Variants in PENK observed in about 807,000 individuals in gnomAD.
PENK encodes proenkephalin-A.
PENK carries 25 observed loss-of-function variants against 24.1 expected under a neutral mutation model. The observed-to-expected ratio is 1.04, with a 90% CI of 0.76 to 1.45. The LOEUF (loss-of-function observed/expected upper bound fraction) is 1.45, where lower values mean the gene tolerates loss of function less well. Ranked by LOEUF, PENK falls within the 40% of genes most tolerant of loss-of-function variation. The pLI, the probability that PENK is intolerant of heterozygous loss-of-function variation, is 0.00. For synonymous variants in PENK, 135 were observed against 130.3 expected (o/e 1.04, Z -0.24); for missense variants, 353 against 337.9 (o/e 1.04, Z -0.35).
intron 3 of PENK, among the ~76,000 whole-genome samples, chr8:56,443,148 G>A (rs972993311): frequency 2.0e-5 from 3 of 152,028 alleles, no homozygotes; most frequent in African/African-American, 2.4e-5. Context: ...TTTAAGCTTC[G>A]TGTCTGAGAA....
intron 3 of PENK, 128 bp downstream of exon 3, chr8:56,445,688 G>A: frequency 8.2e-7 from 1 of 1,218,562 alleles, no homozygotes; most frequent in Non-Finnish European, 1.2e-6. Flanking sequence ...CCACGGGCTC[G>A]CGCCGCTGCG....
chr8:56,441,296 T>G lies in PENK; in HGVS notation c.780A>C (p.Arg260Ser). The G allele has an allele frequency of 6.2e-7, 1 of 1,606,334 alleles. No individual in the cohort carries two copies. Among genetic ancestry groups the G allele is most frequent in the South Asian group, 1.1e-5 (1 of 90,712 alleles). Residue 260 changes from arginine (R) to serine (S), a missense_variant, in exon 4 of 4, where the codon AGA (arginine) becomes AGC (serine). Arg to Ser is a moderately radical substitution (Grantham distance 110, BLOSUM62 -1). Transcript: ENST00000451791. ...ATTAAAATCTCATAAATCCTCCGTATCTTTTTTCCATTTCAGGAACTTCTT... is the reference window on the plus strand; with the variant it reads ...ATTAAAATCTCATAAATCCTCCGTAGCTTTTTTCCATTTCAGGAACTTCTT... Reference protein sequence around the residue: ...YSKEVPEMEKRYGGFMRF With the variant: ...YSKEVPEMEKSYGGFMRF
chr8:56,445,713 C>G (rs775249263), intron 3 of PENK, 103 bp downstream of exon 3: 2 of 1,488,054 alleles, frequency 1.3e-6, no homozygotes, highest in South Asian at 1.1e-5. Flanking sequence ...CGACCCGGTG[C>G]GAACCGCCAT....
At chr8:56,445,583 C>A in intron 3 of PENK, 1 of 634,356 alleles carries the variant, frequency 1.6e-6, no homozygotes, top group South Asian at 1.8e-5. Context: ...ACACCGCTAC[C>A]CTTACCGGTC....
chr8:56,446,189 T>C (rs1056092405), intron 2 of PENK: 40 of 532,532 alleles, frequency 7.5e-5, no homozygotes, highest in Non-Finnish European at 1.2e-4. Context: ...CGAGGCTGCC[T>C]GGGGCACCCG....
At chr8:56,442,952 G>T (rs1041440958) in intron 3 of PENK, among the ~76,000 whole-genome samples, 3 of 152,104 alleles carry the variant, frequency 2.0e-5, no homozygotes, top group African/African-American at 7.2e-5. Flanking sequence ...TACAAAACAT[G>T]CATGATATTT....
At chr8:56,445,521 T>C in intron 3 of PENK, 1 of 600,756 alleles carries the variant, frequency 1.7e-6, no homozygotes, top group African/African-American at 1.9e-5. Flanking sequence ...AACAGAGGAC[T>C]TCTCGGGGTT....
At position 56,441,571 on chromosome 8, in the gene PENK, G is replaced by A. The variant is rs1463811626; in HGVS notation, c.505C>T (p.Arg169Cys). The A allele has an allele frequency of 1.6e-5, 26 of 1,613,484 alleles. No individual in the cohort carries two copies. The highest frequency in any genetic ancestry group is 1.6e-4 in the Middle Eastern group (1 of 6,084). Residue 169 changes from arginine to cysteine, a missense_variant, in exon 4 of 4, where the codon CGT becomes TGT. By Grantham distance (180) the Arg-to-Cys change is radical (BLOSUM62 -3). Coordinates refer to ENST00000451791, the MANE Select transcript of PENK (RefSeq NM_001135690.3). ...ELLETGDNRE[R>C]SHHQDGSDNE... ...TCACTGCCATCCTGGTGGTGGCTACGCTCTCGGTTGTCCCCTGTTTCCAGA... is the reference window on the plus strand; with the variant it reads ...TCACTGCCATCCTGGTGGTGGCTACACTCTCGGTTGTCCCCTGTTTCCAGA...
At chr8:56,443,081 AT>A (rs1804588703) in intron 3 of PENK, among the ~76,000 whole-genome samples, 2 of 152,194 alleles carry the variant, frequency 1.3e-5, no homozygotes, top group African/African-American at 2.4e-5. Flanking sequence ...GAAAGAAAGC[AT>A]TTTATTAGTG....
In PENK at chr8:56,441,391, G is replaced by T. The variant is rs767796107; in HGVS notation, c.685C>A (p.Arg229=). Residue 229 remains arginine, a synonymous_variant, in exon 4 of 4, where the codon CGG becomes AGG. Transcript: ENST00000451791. ...AAGCGCTTCAGGAAACCTCCATACC[G>T]TTTCTGGTAGTCCATCCACCACTCT... ...RPEWWMDYQK[R]YGGFLKRFAE... 6.2e-7 allele frequency: 1 copy of T among 1,613,988 alleles called. No individual in the cohort carries two copies. The highest frequency in any genetic ancestry group is 1.7e-5 in the Admixed American group (1 of 60,008).
At chr8:56,444,985 C>A (rs1486090404) in intron 3 of PENK, among the ~76,000 whole-genome samples, 1 of 152,176 alleles carries the variant, frequency 6.6e-6, no homozygotes, top group Non-Finnish European at 1.5e-5. Context: ...ATTCGACAGC[C>A]CATGGGGAAC....
rs1352859048 is a variant in PENK at position 56,441,085 on chromosome 8, C to T, written c.*187G>A. 5.2e-6 allele frequency: 3 copies of T among 580,662 alleles called. No individual in the cohort carries two copies. In the East Asian group the frequency reaches 7.8e-5, roughly 15 times the overall value. 36.0% of individuals were successfully genotyped at this position (580,662 alleles called of 1,614,324 possible). A position where few individuals can be genotyped will look rare whatever the true frequency, so the allele number is the denominator to read the frequency against. Reference sequence around the variant, plus strand: ...ACGAGATAGCTGCAATAGACTAATACTGAGCTTAAAGACTCCAAAAAGAGC... The same window carrying T: ...ACGAGATAGCTGCAATAGACTAATATTGAGCTTAAAGACTCCAAAAAGAGC... On this transcript the variant is annotated 3_prime_UTR_variant, in exon 4 of 4. Transcript: ENST00000451791.
intron 2 of PENK, 53 bp from the exon 3 acceptor site, chr8:56,446,009 T>C: frequency 7.4e-7 from 1 of 1,360,226 alleles, no homozygotes; most frequent in East Asian, 2.6e-5. Context: ...CAGAACGGGG[T>C]CCCTCGGCAG....
rs953665559 is a variant in PENK at position 56,441,381 on chromosome 8, C to A, written c.695G>T (p.Gly232Val). The A allele has an allele frequency of 3.1e-6, 5 of 1,614,010 alleles. No homozygotes were observed. Among genetic ancestry groups the A allele is most frequent in the African/African-American group, 1.3e-5 (1 of 74,920 alleles). ...WWMDYQKRYGGFLKRFAEALP... is the reference protein window; with the variant it reads ...WWMDYQKRYGVFLKRFAEALP... The stretch of plus-strand genomic sequence containing the variant: ...AGCCTCGGCAAAGCGCTTCAGGAAA[C>A]CTCCATACCGTTTCTGGTAGTCCAT... Residue 232 changes from glycine to valine, a missense_variant, in exon 4 of 4, where the codon GGT becomes GTT. By Grantham distance (109) the Gly-to-Val change is moderately radical (BLOSUM62 -3). Transcript: ENST00000451791.
In PENK at chr8:56,445,909, G is replaced by A; in HGVS notation, c.45C>T (p.Gly15=). ...LTLCTWLLLL[G]PGLLATVRAE... ...CCCGCACGGTCGCCAGGAGCCCGGG[G>A]CCGAGCAACAGCAGCCAAGTGCAAA... Residue 15 remains glycine (G), a synonymous_variant, in exon 3 of 4, where the codon GGC becomes GGT. Transcript: ENST00000451791. 2.5e-6 allele frequency: 4 copies of A among 1,612,514 alleles called. No individual in the cohort carries two copies. The highest frequency in any genetic ancestry group is 1.7e-4 in the Middle Eastern group (1 of 6,038).
chr8:56,441,863 C>T lies in PENK; in HGVS notation c.213G>A (p.Leu71=), dbSNP rs779398481. Residue 71 remains leucine, a synonymous_variant, in exon 4 of 4, where the codon CTG becomes CTA. Coordinates refer to ENST00000451791, the MANE Select transcript of PENK (RefSeq NM_001135690.3). ...IWETCKELLQ[L]SKPELPQDGT... ...CATCTTGAGGAAGCTCTGGTTTGGACAGCTGCAGGAGCTCCTTGCAGGTTT... is the reference window on the plus strand; with the variant it reads ...CATCTTGAGGAAGCTCTGGTTTGGATAGCTGCAGGAGCTCCTTGCAGGTTT... The T allele has an allele frequency of 1.2e-6, 2 of 1,613,978 alleles. No homozygotes were observed. Among genetic ancestry groups the T allele is most frequent in the Non-Finnish European group, 1.7e-6 (2 of 1,179,950 alleles).
At chr8:56,445,682 G>T in intron 3 of PENK, 134 bp downstream of exon 3, 1 of 1,143,330 alleles carries the variant, frequency 8.7e-7, no homozygotes, top group Non-Finnish European at 1.3e-6. Context: ...AGGTCACCAC[G>T]GGCTCGCGCC....
rs750806490 is a variant in PENK at position 56,443,926 on chromosome 8, A to G, written c.138+1890T>C. The stretch of plus-strand genomic sequence containing the variant: ...CCATTCCATCACCTGGATTAAAGTA[A>G]TGATAATAGTAATAAGTGATAACAA... On this transcript the variant is annotated intron_variant, in intron 3 of 3. Coordinates refer to ENST00000451791, the MANE Select transcript of PENK (RefSeq NM_001135690.3). 3 of 700,610 alleles carry G rather than the reference A, an allele frequency of 4.3e-6. No homozygotes were observed. The South Asian group carries it at 4.5e-5, about 10-fold the overall frequency. The allele number at this position is 700,610 out of a possible 1,614,324, so 43.4% of individuals were successfully genotyped here.
chr8:56,444,836 C>T (rs537923669), intron 3 of PENK, among the ~76,000 whole-genome samples: 1 of 152,296 alleles, frequency 6.6e-6, no homozygotes, highest in South Asian at 2.1e-4. Context: ...ATACATTATT[C>T]TCTATGAGCT....
Sources: allele counts gnomAD v4.1 joint callset (sites outside exome capture counted in the v4.1 genomes callset), GRCh38; gene constraint gnomAD v4.1.1; transcripts MANE v1.5; gene names NCBI Gene and HGNC (gene_info 2026-07-23, HGNC 2026-07-21).